Variants in LITAF observed in about 807,000 individuals in gnomAD.
LITAF encodes lipopolysaccharide-induced tumor necrosis factor-alpha factor.
In LITAF, 9 loss-of-function variants were observed where a neutral mutation model predicts 14.5. The ratio of observed to expected loss-of-function variants is 0.62; its 90% CI spans 0.37 to 1.08. The LOEUF is 1.08. LITAF is among the 50% of genes least tolerant of loss of function. The pLI, the probability that LITAF is intolerant of heterozygous loss-of-function variation, is 0.01. For synonymous variants in LITAF, 98 were observed against 88.2 expected (o/e 1.11, Z -0.62); for missense variants, 206 against 213.4 (o/e 0.97, Z 0.22).
chr16:11,586,966 C>A (rs571392348), upstream of LITAF: 1 of 151,198 alleles, frequency 6.6e-6, no homozygotes, highest in African/African-American at 2.4e-5. The surrounding 1 kb of genome is among the most constrained non-coding windows in gnomAD (Gnocchi z 6.5). Context: ...GCGGCGGGGA[C>A]GGGGGCGGGG....
intron 3 of LITAF, among the ~76,000 whole-genome samples, chr16:11,628,859 A>G (rs1399585170): frequency 6.6e-6 from 1 of 152,140 alleles, no homozygotes; most frequent in Non-Finnish European, 1.5e-5. Context: ...GTATTTTAGT[A>G]GAGATGGAGT....
In LITAF at chr16:11,623,240, C is replaced by A. The variant is rs542943102; in HGVS notation, c.85+10293G>T. Among the ~76,000 whole-genome samples, 3 of 151,834 alleles carry A rather than the reference C, an allele frequency of 2.0e-5. No individual in the cohort carries two copies. The East Asian group carries it at 5.9e-4, about 30-fold the overall frequency. ...CCTCCCAAAGTGCTGGGATTACAGG[C>A]ATGAGCCACCGCGCCCGGCCGAATA... On this transcript the variant is annotated intron_variant, in intron 3 of 3. Coordinates refer to the LITAF transcript ENST00000574848.
intron 1 of LITAF, among the ~76,000 whole-genome samples, chr16:11,560,503 A>C (rs2064344379): frequency 6.6e-6 from 1 of 151,718 alleles, no homozygotes; most frequent in Admixed American, 6.6e-5. Flanking sequence ...CCCAGCACTT[A>C]ACCTGGGAGG....
intron 3 of LITAF, among the ~76,000 whole-genome samples, chr16:11,626,918 C>A (rs2065087458): frequency 1.3e-5 from 2 of 151,948 alleles, no homozygotes; most frequent in Admixed American, 1.3e-4. Flanking sequence ...TCTTGGCTCA[C>A]TGCAGCCTCT....
chr16:11,593,354 CAAAAAAA>C lies in LITAF; in HGVS notation c.-6+5027_-6+5033del, dbSNP rs57678584. Among the ~76,000 whole-genome samples, 516 of 54,810 alleles carry C rather than the reference CAAAAAAA, an allele frequency of 9.4e-3. 1 individual carries two copies. Among genetic ancestry groups the C allele is most frequent in the South Asian group, 0.014 (17 of 1,248 alleles). 36.0% of individuals were successfully genotyped at this position (54,810 alleles called of 152,430 possible). ...ATGGGAGACAAGCGAAACTCTGTCT[CAAAAAAA>C]AAAAAAAAAAAAAAAAAAGTTAATG... On this transcript the variant is annotated intron_variant, in intron 1 of 3. Transcript: ENST00000571627.
At chr16:11,574,312 C>A (rs11639824) in intron 1 of LITAF, among the ~76,000 whole-genome samples, 2 of 151,958 alleles carry the variant, frequency 1.3e-5, no homozygotes, top group South Asian at 2.1e-4. Context: ...AAAGCGCTGG[C>A]ATTACAGGCA....
chr16:11,615,051 C>T (rs554561097), intron 3 of LITAF, among the ~76,000 whole-genome samples: 30 of 152,216 alleles, frequency 2.0e-4, no homozygotes, highest in South Asian at 1.5e-3. Context: ...GATGACCAGT[C>T]GGTACACACT....
Position 11,634,508 on chromosome 16 carries a change from T to A in LITAF, c.-20-871A>T, listed in dbSNP as rs184354828. ...CCACAAGATTTGCAACTTCCCCTATTGCCCCTGCAGATAACATCACTATTG... is the reference window on the plus strand; with the variant it reads ...CCACAAGATTTGCAACTTCCCCTATAGCCCCTGCAGATAACATCACTATTG... On this transcript the variant is annotated intron_variant, in intron 2 of 3. Coordinates refer to the LITAF transcript ENST00000574848. This position sits in a 1 kb window ranked among gnomAD's most constrained non-coding sequence, Gnocchi z 4.1. Among the ~76,000 whole-genome samples the A allele has an allele frequency of 2.0e-5, 3 of 152,158 alleles. No homozygotes were observed. The highest frequency in any genetic ancestry group is 7.2e-5 in the African/African-American group (3 of 41,430).
intron 3 of LITAF, among the ~76,000 whole-genome samples, chr16:11,618,428 G>A (rs1350000243): frequency 6.6e-6 from 1 of 152,176 alleles, no homozygotes; most frequent in East Asian, 1.9e-4. Context: ...CAGTCCTGTG[G>A]GACTGAGTCC....
chr16:11,559,939 G>A (rs1343690160), intron 1 of LITAF, among the ~76,000 whole-genome samples: 1 of 151,914 alleles, frequency 6.6e-6, no homozygotes, highest in Non-Finnish European at 1.5e-5. Flanking sequence ...AGTGAGCCGT[G>A]ACTGCGCCAC....
intron 3 of LITAF, among the ~76,000 whole-genome samples, chr16:11,609,460 C>T (rs536427120): frequency 2.0e-5 from 3 of 152,244 alleles, no homozygotes; most frequent in East Asian, 3.9e-4. Flanking sequence ...GTGATCCACC[C>T]GTCTCGGCCT....
intron 1 of LITAF, among the ~76,000 whole-genome samples, chr16:11,568,743 G>A (rs1295722008): frequency 7.0e-6 from 1 of 142,790 alleles, no homozygotes; most frequent in African/African-American, 2.6e-5. Context: ...GCAGTGCCAC[G>A]ACCTCGGCTC....
intron 2 of LITAF, among the ~76,000 whole-genome samples, chr16:11,554,255 C>G (rs914052488): frequency 6.6e-5 from 10 of 151,892 alleles, no homozygotes; most frequent in Admixed American, 4.6e-4. Context: ...TAAATTTTAA[C>G]CAGCCTCACA....
At chr16:11,596,664 G>A (rs1288613313) in intron 1 of LITAF, among the ~76,000 whole-genome samples, 2 of 87,422 alleles carry the variant, frequency 2.3e-5, no homozygotes, top group Admixed American at 1.2e-4. Flanking sequence ...GAGGGAGGAT[G>A]TGGAGGGAAA....
intron 3 of LITAF, among the ~76,000 whole-genome samples, chr16:11,614,655 A>G (rs746114453): frequency 6.6e-6 from 1 of 151,942 alleles, no homozygotes; most frequent in South Asian, 2.1e-4. Context: ...ACTGGAATGC[A>G]ATGGCACAAC....
At position 11,551,844 on chromosome 16, in the gene LITAF, A is replaced by ACAAG. The variant is rs148088828; in HGVS notation, c.377+1685_377+1688dup. 0.043 allele frequency: 23,058 copies of ACAAG among 531,430 alleles called. 703 individuals are homozygous for ACAAG. Among genetic ancestry groups the ACAAG allele is most frequent in the African/African-American group, 0.088 (4,005 of 45,656 alleles). The allele number at this position is 531,430 out of a possible 1,614,324, so 32.9% of individuals were successfully genotyped here. A position where few individuals can be genotyped will look rare whatever the true frequency, so the allele number is the denominator to read the frequency against. On this transcript the variant is annotated intron_variant, in intron 3 of 3. Coordinates refer to ENST00000622633, the MANE Select transcript of LITAF (RefSeq NM_001136472.2). ...AAGACTCAGCCTCAAACAAAACAAA[A>ACAAG]CAAGTTTCTATTCCATCTTTCCCTG...
At chr16:11,572,954 G>A (rs1356931631) in intron 1 of LITAF, among the ~76,000 whole-genome samples, 8 of 142,520 alleles carry the variant, frequency 5.6e-5, no homozygotes, top group African/African-American at 2.1e-4. Flanking sequence ...TTTGAGACAG[G>A]GTCTCACTCT....
chr16:11,603,534 C>A (rs550715976), intron 3 of LITAF, among the ~76,000 whole-genome samples: 2 of 152,204 alleles, frequency 1.3e-5, no homozygotes, highest in African/African-American at 4.8e-5. Flanking sequence ...ATGGAACAGG[C>A]GCTCCAGTTT....
upstream of LITAF, among the ~76,000 whole-genome samples, chr16:11,636,652 C>T (rs2065139574): frequency 6.6e-6 from 1 of 152,128 alleles, no homozygotes; most frequent in South Asian, 2.1e-4. Flanking sequence ...AAAATAGAGC[C>T]CCCGTGTTGA....
Sources: gnomAD v4.1 joint callset for allele counts (sites outside exome capture counted in the v4.1 genomes callset) on GRCh38, gnomAD v4.1.1 for gene constraint, Gnocchi (gnomAD v3.1) non-coding constraint, MANE v1.5 for transcripts, NCBI Gene and HGNC (gene_info 2026-07-23, HGNC 2026-07-21) for gene names.